KLHL3: variants seen among roughly 807,000 people sequenced by gnomAD.
The protein encoded by KLHL3 is kelch like family member 3.
In KLHL3, 19 loss-of-function variants were observed where a neutral mutation model predicts 70.5. The observed-to-expected ratio is 0.27, with a 90% CI of 0.19 to 0.40. The LOEUF is 0.40. Among genes scored for constraint, KLHL3 ranks in the 10% least tolerant of loss-of-function variants. The probability of loss-of-function intolerance (pLI) is 1.00; values close to 1 mark genes in which losing one functional copy is unlikely to be tolerated. For synonymous variants in KLHL3, 258 were observed against 290.3 expected (o/e 0.89, Z 1.13); for missense variants, 512 against 771.1 (o/e 0.66, Z 3.98).
At position 137,627,483 on chromosome 5, in the gene KLHL3, C is replaced by G. The variant is rs75094541; in HGVS notation, c.1591+814G>C. ...TAAATTAGTAAATATCACCACCCCC[C>G]CCCCCGGTTTACACTTCCAAGTCAG... On this transcript the variant is annotated intron_variant, in intron 13 of 14. Coordinates refer to ENST00000309755, the MANE Select transcript of KLHL3 (RefSeq NM_017415.3). Among the ~76,000 whole-genome samples, 61 of 127,442 alleles carry G rather than the reference C, an allele frequency of 4.8e-4. 6 individuals are homozygous for G. The highest frequency in any genetic ancestry group is 1.2e-3 in the South Asian group (4 of 3,298). 83.6% of individuals were successfully genotyped at this position (127,442 alleles called of 152,430 possible).
At chr5:137,649,833 AG>A (rs2149891406) in intron 8 of KLHL3, among the ~76,000 whole-genome samples, 1 of 152,250 alleles carries the variant, frequency 6.6e-6, no homozygotes, top group South Asian at 2.1e-4. Context: ...TGTGGGTACT[AG>A]TATCATGTAG....
At chr5:137,703,218 C>A (rs1301875236) in intron 3 of KLHL3, among the ~76,000 whole-genome samples, 2 of 152,192 alleles carry the variant, frequency 1.3e-5, no homozygotes, top group African/African-American at 4.8e-5. Flanking sequence ...AGAATACCTT[C>A]TTGCTCCTAA....
At chr5:137,624,280 G>C (rs963362266) in intron 14 of KLHL3, among the ~76,000 whole-genome samples, 3 of 152,098 alleles carry the variant, frequency 2.0e-5, no homozygotes, top group Non-Finnish European at 4.4e-5. Context: ...CTTCTGGAGA[G>C]GGCAGACAAT....
At chr5:137,709,536 C>T (rs4277910) in intron 3 of KLHL3, among the ~76,000 whole-genome samples, 2 of 152,176 alleles carry the variant, frequency 1.3e-5, no homozygotes, top group Non-Finnish European at 2.9e-5. Flanking sequence ...TACCTTTTTT[C>T]CTCATGGTGG....
chr5:137,635,280 T>C (rs543300578), intron 11 of KLHL3, among the ~76,000 whole-genome samples: 13 of 151,934 alleles, frequency 8.6e-5, no homozygotes, highest in African/African-American at 1.4e-4. Context: ...GTCCTCTCAA[T>C]TGACCCATCT....
intron 5 of KLHL3, among the ~76,000 whole-genome samples, chr5:137,682,403 T>TAGAGAGAGAGCGAGAGAGAGAGAG (rs1752049632): frequency 7.5e-6 from 1 of 133,374 alleles, no homozygotes. Flanking sequence ...GTGCTGGACA[T>TAGAGAGAGAGCGAGAGAGAGAGAG]AGAGAGAGAG....
chr5:137,669,963 G>A (rs1251946958), intron 6 of KLHL3, among the ~76,000 whole-genome samples: 9 of 152,158 alleles, frequency 5.9e-5, no homozygotes, highest in African/African-American at 1.7e-4. Flanking sequence ...CTAGGCCACA[G>A]GCTCCTGTGG....
At chr5:137,646,256 A>G (rs932729470) in intron 8 of KLHL3, among the ~76,000 whole-genome samples, 1 of 152,232 alleles carries the variant, frequency 6.6e-6, no homozygotes, top group Non-Finnish European at 1.5e-5. Flanking sequence ...CACCCCAATT[A>G]GAAGGTCTAC....
Position 137,680,424 on chromosome 5 carries a change from G to T in KLHL3, c.527-2770C>A, listed in dbSNP as rs544770209. Among the ~76,000 whole-genome samples the T allele has an allele frequency of 9.2e-5, 14 of 152,142 alleles. No homozygotes were observed. The East Asian group carries it at 2.5e-3, about 27-fold the overall frequency. On this transcript the variant is annotated intron_variant, in intron 5 of 14. Coordinates refer to ENST00000309755, the MANE Select transcript of KLHL3 (RefSeq NM_017415.3). Reference sequence around the variant, plus strand: ...TCTCAAGATTGTTTTGCAGCCCAAAGATAATAATATATATTAATTCATTTT... The same window carrying T: ...TCTCAAGATTGTTTTGCAGCCCAAATATAATAATATATATTAATTCATTTT...
At chr5:137,665,360 T>C (rs1013303570) in intron 6 of KLHL3, among the ~76,000 whole-genome samples, 2 of 152,322 alleles carry the variant, frequency 1.3e-5, no homozygotes, top group East Asian at 1.9e-4. Context: ...TTAAATTTCA[T>C]TGGTATGATA....
At chr5:137,648,127 A>C (rs1358305356) in intron 8 of KLHL3, among the ~76,000 whole-genome samples, 1 of 152,256 alleles carries the variant, frequency 6.6e-6, no homozygotes, top group African/African-American at 2.4e-5. Context: ...AAAGGATACT[A>C]TGAACCTGTG....
At chr5:137,701,037 CTT>C in intron 3 of KLHL3, among the ~76,000 whole-genome samples, 1 of 147,290 alleles carries the variant, frequency 6.8e-6, no homozygotes, top group African/African-American at 2.5e-5. Flanking sequence ...ACTGGCATTT[CTT>C]TTTTTTTTTC....
At chr5:137,664,015 T>C (rs1481153407) in intron 6 of KLHL3, among the ~76,000 whole-genome samples, 1 of 152,190 alleles carries the variant, frequency 6.6e-6, no homozygotes, top group African/African-American at 2.4e-5. Context: ...GTGTATTTAA[T>C]ATCCATATAC....
intron 6 of KLHL3, among the ~76,000 whole-genome samples, chr5:137,668,889 C>T (rs1055163385): frequency 5.3e-5 from 8 of 152,142 alleles, no homozygotes; most frequent in Non-Finnish European, 1.0e-4. Context: ...TGTTTTTTAG[C>T]GAGCCAGTTG....
intron 3 of KLHL3, among the ~76,000 whole-genome samples, chr5:137,705,076 A>G (rs1308371971): frequency 6.6e-5 from 10 of 152,180 alleles, no homozygotes; most frequent in Non-Finnish European, 1.2e-4. Context: ...ACCAGACCCT[A>G]TCTACTACCA....
intron 13 of KLHL3, among the ~76,000 whole-genome samples, chr5:137,627,139 G>C (rs1750486963): frequency 6.6e-6 from 1 of 152,134 alleles, no homozygotes; most frequent in East Asian, 1.9e-4. Flanking sequence ...GTGTCCAATA[G>C]TAGATTGGTT....
chr5:137,690,526 A>G (rs1752293771), intron 5 of KLHL3, among the ~76,000 whole-genome samples: 1 of 152,162 alleles, frequency 6.6e-6, no homozygotes, highest in Non-Finnish European at 1.5e-5. Flanking sequence ...GTCAAGGTTC[A>G]GAGCCAGAAA....
intron 6 of KLHL3, 175 bp downstream of exon 6, chr5:137,677,370 C>T (rs1751909394): frequency 2.1e-6 from 1 of 466,654 alleles, no homozygotes; most frequent in Admixed American, 4.0e-5. Flanking sequence ...ATCACTTGAA[C>T]CTGGGAGGCG....
At chr5:137,659,760 T>C (rs1172609535) in intron 7 of KLHL3, among the ~76,000 whole-genome samples, 1 of 152,240 alleles carries the variant, frequency 6.6e-6, no homozygotes, top group Non-Finnish European at 1.5e-5. Context: ...GAAATCTTTA[T>C]AGTAATGGTT....
Sources: allele counts gnomAD v4.1 joint callset (sites outside exome capture counted in the v4.1 genomes callset), GRCh38; gene constraint gnomAD v4.1.1; transcripts MANE v1.5; gene names NCBI Gene and HGNC (gene_info 2026-07-23, HGNC 2026-07-21).